RBFOX1: variants seen among roughly 807,000 people sequenced by gnomAD.
RBFOX1 encodes the protein RNA binding fox-1 homolog 1.
A neutral mutation model predicts 57.7 loss-of-function variants in RBFOX1; 8 were observed. That is an observed-to-expected ratio of 0.14 (90% CI 0.08 to 0.25). The LOEUF is 0.25. Among genes scored for constraint, RBFOX1 ranks in the 10% least tolerant of loss-of-function variants. RBFOX1 has a pLI of 1.00. For synonymous variants in RBFOX1, 326 were observed against 222.4 expected (o/e 1.47, Z -4.15); for missense variants, 611 against 548.5 (o/e 1.11, Z -1.14).
intron 3 of RBFOX1, among the ~76,000 whole-genome samples, chr16:6,890,652 C>G (rs1363857906): frequency 2.0e-5 from 3 of 152,192 alleles, no homozygotes; most frequent in Non-Finnish European, 4.4e-5. Flanking sequence ...TCCTTCCTAT[C>G]TAGGGATTTA....
At chr16:7,175,340 G>T (rs1028079710) in intron 4 of RBFOX1, among the ~76,000 whole-genome samples, 1 of 151,662 alleles carries the variant, frequency 6.6e-6, no homozygotes, top group Admixed American at 6.6e-5. Flanking sequence ...TGTGAAATGG[G>T]TCTCAGTGAA....
chr16:7,607,353 T>C lies in RBFOX1; in HGVS notation c.676+15T>C. ...ATTCTATGCAGGTACAGAGTTTCTC[T>C]TTGCACGAAGTCTTCTCAGTCTTTT... On this transcript the variant is annotated intron_variant, in intron 10 of 15. Transcript: ENST00000550418. The C allele has an allele frequency of 6.2e-7, 1 of 1,606,808 alleles. No individual in the cohort carries two copies. The highest frequency in any genetic ancestry group is 8.5e-7 in the Non-Finnish European group (1 of 1,177,660).
At chr16:5,493,426 G>A (rs1279700097) in intron 2 of RBFOX1, among the ~76,000 whole-genome samples, 1 of 152,046 alleles carries the variant, frequency 6.6e-6, no homozygotes, top group Non-Finnish European at 1.5e-5. Context: ...CTGTGAAAAA[G>A]GCCTACCTGA....
chr16:5,868,320 T>C (rs1204687759), intron 4 of RBFOX1, among the ~76,000 whole-genome samples: 1 of 144,686 alleles, frequency 6.9e-6, no homozygotes, highest in Non-Finnish European at 1.5e-5. Context: ...GAGGTATTTA[T>C]ATCCTACTGC....
intron 1 of RBFOX1, among the ~76,000 whole-genome samples, chr16:6,059,629 C>A (rs1265798038): frequency 4.6e-5 from 7 of 152,060 alleles, no homozygotes; most frequent in Non-Finnish European, 7.4e-5. Flanking sequence ...ATATTTTTGA[C>A]ACTTGAGGTT....
chr16:5,787,769 C>T (rs1053594446), intron 3 of RBFOX1, among the ~76,000 whole-genome samples: 1 of 152,180 alleles, frequency 6.6e-6, no homozygotes, highest in Non-Finnish European at 1.5e-5. Context: ...ACAGTCAAGC[C>T]TCCATGAGGA....
chr16:7,643,169 T>C (rs1241747764), intron 11 of RBFOX1, among the ~76,000 whole-genome samples: 1 of 152,228 alleles, frequency 6.6e-6, no homozygotes, highest in Non-Finnish European at 1.5e-5. Context: ...CACAAGGACC[T>C]TACATGATCA....
intron 4 of RBFOX1, among the ~76,000 whole-genome samples, chr16:5,879,683 A>G (rs150816471): frequency 1.3e-4 from 20 of 152,338 alleles, no homozygotes; most frequent in African/African-American, 4.6e-4. Flanking sequence ...TATGCAAGTA[A>G]CAAGTTAACC....
chr16:5,867,410 C>A, intron 4 of RBFOX1: 2 of 928,454 alleles, frequency 2.2e-6, no homozygotes, highest in Non-Finnish European at 2.8e-6. Flanking sequence ...GTGTAACGAG[C>A]ATTCTAGCAA....
intron 3 of RBFOX1, among the ~76,000 whole-genome samples, chr16:6,913,200 T>G (rs2072160635): frequency 6.6e-6 from 1 of 152,142 alleles, no homozygotes; most frequent in South Asian, 2.1e-4. Flanking sequence ...AACATTTTTT[T>G]AAATGCAAAA....
chr16:7,465,087 G>A (rs137897723), intron 4 of RBFOX1, among the ~76,000 whole-genome samples: 315 of 152,106 alleles, frequency 2.1e-3, no homozygotes, highest in Middle Eastern at 6.8e-3. Flanking sequence ...CTTACCCGGT[G>A]TCTGCTAAGC....
intron 3 of RBFOX1, among the ~76,000 whole-genome samples, chr16:5,807,146 A>G (rs1430302551): frequency 6.6e-6 from 1 of 152,184 alleles, no homozygotes; most frequent in Non-Finnish European, 1.5e-5. Flanking sequence ...GACAGTGACA[A>G]CACAATTACT....
chr16:7,556,196 G>A (rs1209935325), intron 5 of RBFOX1, among the ~76,000 whole-genome samples: 1 of 152,112 alleles, frequency 6.6e-6, no homozygotes, highest in Admixed American at 6.6e-5. Flanking sequence ...GCCCTGAGAA[G>A]TCTTAAGTTT....
chr16:6,604,618 T>A (rs139634611), intron 2 of RBFOX1, among the ~76,000 whole-genome samples: 211 of 152,342 alleles, frequency 1.4e-3, no homozygotes, highest in African/African-American at 4.9e-3. Context: ...CTGTTGTATA[T>A]GGGTACTGAG....
chr16:6,217,966 G>A (rs2097347019), intron 1 of RBFOX1, among the ~76,000 whole-genome samples: 1 of 152,264 alleles, frequency 6.6e-6, no homozygotes, highest in East Asian at 1.9e-4. Flanking sequence ...TAGTGAGCTG[G>A]GATCCTGCCA....
At chr16:6,332,872 A>T (rs914865391) in intron 2 of RBFOX1, among the ~76,000 whole-genome samples, 18 of 152,206 alleles carry the variant, frequency 1.2e-4, no homozygotes, top group African/African-American at 4.3e-4. Flanking sequence ...GATGATGCCC[A>T]TCTCTTATGA....
intron 1 of RBFOX1, among the ~76,000 whole-genome samples, chr16:5,466,266 A>G (rs1267762246): frequency 6.6e-6 from 1 of 152,206 alleles, no homozygotes; most frequent in Admixed American, 6.5e-5. Context: ...GTGTCTGTGC[A>G]GTGGGCCCTT....
rs1568299754 is a variant in RBFOX1 at position 6,999,206 on chromosome 16, A to ATTTTAT, written c.-15-52847_-15-52846insATTTTT. 9.3e-3 allele frequency among the ~76,000 whole-genome samples: 669 copies of ATTTTAT among 71,904 alleles called. 8 individuals are homozygous for ATTTTAT. Among genetic ancestry groups the ATTTTAT allele is most frequent in the Middle Eastern group, 0.024 (5 of 206 alleles). The allele number at this position is 71,904 out of a possible 152,430, so 47.2% of individuals were successfully genotyped here. A position where few individuals can be genotyped will look rare whatever the true frequency, so the allele number is the denominator to read the frequency against. On this transcript the variant is annotated intron_variant, in intron 3 of 15. Transcript: ENST00000550418. ...TTTATTTTATTTTATTTTATTTTTTATTTTTATTTATTTTTTTTATTTATT... is the reference window on the plus strand; with the variant it reads ...TTTATTTTATTTTATTTTATTTTTTATTTTATTTTTTATTTATTTTTTTTATTTATT...
chr16:5,455,401 G>A (rs1048457877), intron 1 of RBFOX1, among the ~76,000 whole-genome samples: 6 of 152,100 alleles, frequency 3.9e-5, no homozygotes, highest in African/African-American at 1.4e-4. Context: ...TCTGCTGGTT[G>A]AAGCAGTCCT....
Sources: allele counts gnomAD v4.1 joint callset (sites outside exome capture counted in the v4.1 genomes callset), GRCh38; gene constraint gnomAD v4.1.1; transcripts MANE v1.5; gene names NCBI Gene and HGNC (gene_info 2026-07-23, HGNC 2026-07-21).